Variants in RCOR1 observed in about 807,000 individuals in gnomAD.
The protein encoded by RCOR1 is REST corepressor 1, also known as REST corepressor.
A neutral mutation model predicts 64.0 loss-of-function variants in RCOR1; 12 were observed. The ratio of observed to expected loss-of-function variants is 0.19; its 90% CI spans 0.12 to 0.30. RCOR1 has a LOEUF of 0.30. Among genes scored for constraint, RCOR1 ranks in the 10% least tolerant of loss-of-function variants. RCOR1 has a pLI of 1.00. For missense variants in RCOR1, 502 were observed against 621.2 expected, an observed-to-expected ratio of 0.81 and a Z score of 2.04; for synonymous variants, 279 against 227.2, an observed-to-expected ratio of 1.23 and a Z score of -2.05.
At chr14:102,666,816 C>T (rs772930688) in intron 2 of RCOR1, among the ~76,000 whole-genome samples, 1 of 152,180 alleles carries the variant, frequency 6.6e-6, no homozygotes, top group African/African-American at 2.4e-5. Flanking sequence ...TGACTGATGA[C>T]TGCTCATGTT....
intron 2 of RCOR1, among the ~76,000 whole-genome samples, chr14:102,595,199 A>G (rs999591027): frequency 3.3e-5 from 5 of 152,348 alleles, no homozygotes; most frequent in Non-Finnish European, 7.3e-5. Flanking sequence ...GTGACCAGCT[A>G]TTCTAAAATG....
chr14:102,681,565 GT>G (rs1291848379), intron 2 of RCOR1, among the ~76,000 whole-genome samples: 2 of 152,356 alleles, frequency 1.3e-5, no homozygotes, highest in Admixed American at 6.5e-5. Flanking sequence ...GCAGAGAAGG[GT>G]AAGGGTGCTG....
At chr14:102,664,060 T>C (rs555119938) in intron 2 of RCOR1, among the ~76,000 whole-genome samples, 3 of 152,288 alleles carry the variant, frequency 2.0e-5, no homozygotes, top group Admixed American at 6.5e-5. Context: ...GGACATAGAT[T>C]AGGCATTAGC....
intron 2 of RCOR1, among the ~76,000 whole-genome samples, chr14:102,624,567 A>G (rs911242778): frequency 6.0e-4 from 92 of 152,110 alleles, no homozygotes; most frequent in African/African-American, 2.1e-3. Context: ...GGAGTTCGAG[A>G]CCAGCCTGGG....
chr14:102,723,792 G>T (rs1427844970), intron 11 of RCOR1, among the ~76,000 whole-genome samples: 1 of 152,224 alleles, frequency 6.6e-6, no homozygotes, highest in Non-Finnish European at 1.5e-5. Flanking sequence ...CTTCTTGTGT[G>T]TGTGTTTTCC....
intron 2 of RCOR1, among the ~76,000 whole-genome samples, chr14:102,620,852 T>G (rs975306029): frequency 6.6e-6 from 1 of 152,172 alleles, no homozygotes; most frequent in African/African-American, 2.4e-5. Context: ...ACTCTTTCTT[T>G]ATCTCCTTCA....
intron 2 of RCOR1, among the ~76,000 whole-genome samples, chr14:102,676,591 C>A (rs1226162667): frequency 6.5e-5 from 5 of 77,060 alleles, no homozygotes; most frequent in Admixed American, 2.2e-4. Context: ...CGGGCAGAGG[C>A]GCCCCTCACC....
chr14:102,629,512 T>C (rs1894061335), intron 2 of RCOR1, among the ~76,000 whole-genome samples: 1 of 151,604 alleles, frequency 6.6e-6, no homozygotes, highest in Non-Finnish European at 1.5e-5. Context: ...AAGTTTTCTG[T>C]TTATTTAAAA....
chr14:102,692,029 C>T (rs1188992530), intron 3 of RCOR1, among the ~76,000 whole-genome samples: 5 of 152,192 alleles, frequency 3.3e-5, no homozygotes, highest in Non-Finnish European at 7.3e-5. Context: ...TCCACATCCT[C>T]TCCAATAATT....
At chr14:102,674,145 G>T (rs1045059659) in intron 2 of RCOR1, among the ~76,000 whole-genome samples, 6 of 152,138 alleles carry the variant, frequency 3.9e-5, no homozygotes, top group Non-Finnish European at 7.4e-5. Flanking sequence ...GAAGGAGTTA[G>T]GGCCTTAGTC....
chr14:102,673,333 G>GATT (rs1895067199), intron 2 of RCOR1, among the ~76,000 whole-genome samples: 1 of 141,110 alleles, frequency 7.1e-6, no homozygotes, highest in Admixed American at 7.0e-5. Flanking sequence ...TCCAATCCCT[G>GATT]ATTTTTTTTT....
intron 3 of RCOR1, among the ~76,000 whole-genome samples, chr14:102,696,142 T>A (rs189118361): frequency 1.1e-4 from 17 of 152,194 alleles, no homozygotes; most frequent in Admixed American, 3.9e-4. Context: ...CCTACATCTG[T>A]GTTGTTATTT....
In RCOR1 at chr14:102,726,573, C is replaced by T; in HGVS notation, c.*67C>T. ...ATCCGGGATATCAGGTATTATGAGA[C>T]ATCACCTAGCCATCTGCATCACATC... On this transcript the variant is annotated 3_prime_UTR_variant, in exon 12 of 12. Coordinates refer to ENST00000262241, the MANE Select transcript of RCOR1 (RefSeq NM_015156.4). 4 of 1,306,426 alleles carry T rather than the reference C, an allele frequency of 3.1e-6. No homozygotes were observed. In the South Asian group the frequency reaches 3.8e-5, roughly 12 times the overall value. The allele number at this position is 1,306,426 out of a possible 1,614,324, so 80.9% of individuals were successfully genotyped here. A position where few individuals can be genotyped will look rare whatever the true frequency, so the allele number is the denominator to read the frequency against.
chr14:102,685,424 G>GT (rs1238859433), intron 3 of RCOR1, among the ~76,000 whole-genome samples: 1 of 146,742 alleles, frequency 6.8e-6, no homozygotes, highest in Non-Finnish European at 1.5e-5. Context: ...TTTAAACTCT[G>GT]TTTTTTAAAA....
At chr14:102,643,271 G>A (rs1221613530) in intron 2 of RCOR1, 72 of 887,306 alleles carry the variant, frequency 8.1e-5, no homozygotes, top group Non-Finnish European at 9.7e-5. Flanking sequence ...GCGACAGAGC[G>A]AGACTCCGTC....
At chr14:102,615,473 A>T (rs1444172562) in intron 2 of RCOR1, among the ~76,000 whole-genome samples, 30 of 113,808 alleles carry the variant, frequency 2.6e-4, no homozygotes, top group African/African-American at 9.8e-4. Flanking sequence ...TTTGAGATGG[A>T]GTTTCGCTCT....
chr14:102,702,047 C>T (rs1289517434), intron 4 of RCOR1, among the ~76,000 whole-genome samples: 1 of 152,112 alleles, frequency 6.6e-6, no homozygotes, highest in Non-Finnish European at 1.5e-5. Context: ...TGTGGTGATA[C>T]CTTATTTCAG....
intron 2 of RCOR1, among the ~76,000 whole-genome samples, chr14:102,672,335 G>A (rs947245549): frequency 7.2e-5 from 11 of 151,882 alleles, no homozygotes; most frequent in Admixed American, 6.6e-4. Context: ...TTAGCCTCCC[G>A]AGTAGCTGGG....
At chr14:102,620,509 G>A (rs1893852655) in intron 2 of RCOR1, among the ~76,000 whole-genome samples, 1 of 152,168 alleles carries the variant, frequency 6.6e-6, no homozygotes, top group African/African-American at 2.4e-5. Flanking sequence ...AGAGGTTGTG[G>A]TGAGCCGAGA....
Sources: allele counts gnomAD v4.1 joint callset (sites outside exome capture counted in the v4.1 genomes callset), GRCh38; gene constraint gnomAD v4.1.1; transcripts MANE v1.5; gene names NCBI Gene and HGNC (gene_info 2026-07-23, HGNC 2026-07-21).